Variants in KIF26B observed in about 807,000 individuals in gnomAD.
The protein encoded by KIF26B is kinesin-like protein KIF26B.
KIF26B carries 63 observed loss-of-function variants against 151.2 expected under a neutral mutation model. The observed-to-expected ratio is 0.42, with a 90% confidence interval of 0.34 to 0.51. The LOEUF is 0.51. KIF26B is among the 20% of genes least tolerant of loss of function. The pLI, the probability that KIF26B is intolerant of heterozygous loss-of-function variation, is 0.07. For synonymous variants in KIF26B, 1,357 were observed against 1,262.1 expected, an observed-to-expected ratio of 1.08 and a Z score of -1.59; for missense variants, 2,813 against 2,913.6, an observed-to-expected ratio of 0.97 and a Z score of 0.79.
At chr1:245,275,432 G>T (rs1293592149) in intron 2 of KIF26B, among the ~76,000 whole-genome samples, 1 of 152,104 alleles carries the variant, frequency 6.6e-6, no homozygotes, top group Non-Finnish European at 1.5e-5. Flanking sequence ...GTATTGCCTA[G>T]GTTTTCTTCT....
intron 3 of KIF26B, among the ~76,000 whole-genome samples, chr1:245,390,411 G>A (rs1458816538): frequency 2.6e-5 from 4 of 151,968 alleles, no homozygotes; most frequent in Non-Finnish European, 4.4e-5. Flanking sequence ...TAGACACGGG[G>A]TTTCACCATG....
At chr1:245,489,036 A>G (rs1166272095) in intron 4 of KIF26B, among the ~76,000 whole-genome samples, 1 of 152,212 alleles carries the variant, frequency 6.6e-6, no homozygotes, top group African/African-American at 2.4e-5. Context: ...ATTTGCATGG[A>G]CAGGAAAGCG....
chr1:245,609,201 T>C (rs1482734198), intron 7 of KIF26B, 65 bp from the exon 8 acceptor site: 1 of 1,446,642 alleles, frequency 6.9e-7, no homozygotes, highest in Non-Finnish European at 9.2e-7. Context: ...GCATCTATTT[T>C]GGAGACTCCG....
rs1369631030 is a variant in KIF26B at position 245,606,333 on chromosome 1, G to A, written c.1558-1318G>A. ...GTGCTGCTGAATAACAACATTCACG[G>A]CCCAGGTGCCCACCGGGAGGCACGC... On this transcript the variant is annotated intron_variant, in intron 6 of 14. Transcript: ENST00000407071. This position sits in a 1 kb window ranked among gnomAD's most constrained non-coding sequence, Gnocchi z 4.6. Among the ~76,000 whole-genome samples the A allele has an allele frequency of 2.0e-5, 3 of 152,256 alleles. No individual in the cohort carries two copies. In the East Asian group the frequency reaches 5.8e-4, roughly 29 times the overall value.
At chr1:245,455,224 G>T (rs1267184111) in intron 4 of KIF26B, among the ~76,000 whole-genome samples, 1 of 152,118 alleles carries the variant, frequency 6.6e-6, no homozygotes, top group African/African-American at 2.4e-5. Flanking sequence ...CCATACTACA[G>T]GCCGGGCATG....
At chr1:245,642,313 C>A (rs561666635) in intron 9 of KIF26B, among the ~76,000 whole-genome samples, 2 of 152,248 alleles carry the variant, frequency 1.3e-5, no homozygotes, top group South Asian at 2.1e-4. Flanking sequence ...TTGGCTGAGA[C>A]AGGCATGTGT....
chr1:245,525,542 A>C (rs1249434664), intron 4 of KIF26B, among the ~76,000 whole-genome samples: 1 of 152,228 alleles, frequency 6.6e-6, no homozygotes, highest in African/African-American at 2.4e-5. Context: ...AATTTATAAA[A>C]TCTCAAATTA....
At chr1:245,305,350 TAAAG>T (rs904537464) in intron 2 of KIF26B, among the ~76,000 whole-genome samples, 7 of 152,142 alleles carry the variant, frequency 4.6e-5, no homozygotes, top group African/African-American at 1.7e-4. Context: ...ACATATTTGA[TAAAG>T]AACCTGTACC....
chr1:245,387,289 C>T (rs943462288), intron 3 of KIF26B, among the ~76,000 whole-genome samples: 1 of 151,884 alleles, frequency 6.6e-6, no homozygotes, highest in Non-Finnish European at 1.5e-5. Flanking sequence ...CTCAGCCTCC[C>T]GAGTAGCTGG....
rs765172586 is a variant in KIF26B at position 245,180,357 on chromosome 1, C to A, written c.465+23674C>A. Among the ~76,000 whole-genome samples, 5 of 151,734 alleles carry A rather than the reference C, an allele frequency of 3.3e-5. No individual in the cohort carries two copies. The South Asian group carries it at 1.0e-3, about 32-fold the overall frequency. ...TGGCCATTGGAGTCCAGGGAGTCTG[C>A]GTTCTAATTCTGGCTCTCCTCTTAA... On this transcript the variant is annotated intron_variant, in intron 2 of 14. Coordinates refer to ENST00000407071, the MANE Select transcript of KIF26B (RefSeq NM_018012.4).
intron 4 of KIF26B, among the ~76,000 whole-genome samples, chr1:245,503,327 T>C (rs1660660925): frequency 6.6e-6 from 1 of 152,216 alleles, no homozygotes; most frequent in South Asian, 2.1e-4. Context: ...CTGTTATTTG[T>C]ATGAAGTGCC....
At chr1:245,481,391 C>T (rs1264559989) in intron 4 of KIF26B, among the ~76,000 whole-genome samples, 1 of 151,822 alleles carries the variant, frequency 6.6e-6, no homozygotes, top group African/African-American at 2.4e-5. Context: ...TTCCCGTGCT[C>T]AAATGTAACG....
intron 2 of KIF26B, among the ~76,000 whole-genome samples, chr1:245,184,546 C>A (rs1048882990): frequency 5.3e-5 from 8 of 152,064 alleles, no homozygotes; most frequent in African/African-American, 1.9e-4. Context: ...ATTTTAAAAT[C>A]TTGGGGGAAA....
At chr1:245,668,135 A>G (rs1176881255) in intron 10 of KIF26B, among the ~76,000 whole-genome samples, 2 of 152,144 alleles carry the variant, frequency 1.3e-5, no homozygotes, top group African/African-American at 2.4e-5. Flanking sequence ...ACCTCAAGTG[A>G]TCAGCCTGCC....
At chr1:245,414,261 C>T (rs1266954407) in intron 3 of KIF26B, among the ~76,000 whole-genome samples, 1 of 152,136 alleles carries the variant, frequency 6.6e-6, no homozygotes, top group Non-Finnish European at 1.5e-5. Flanking sequence ...TGTGGGGAGT[C>T]GCACTGACTT....
chr1:245,419,154 G>A (rs779073745), intron 3 of KIF26B, among the ~76,000 whole-genome samples: 1 of 152,146 alleles, frequency 6.6e-6, no homozygotes, highest in Non-Finnish European at 1.5e-5. Flanking sequence ...TTATTAGCAG[G>A]CTTACTTCTC....
intron 2 of KIF26B, among the ~76,000 whole-genome samples, chr1:245,317,947 GCACGC>G (rs1671810603): frequency 6.6e-6 from 1 of 152,122 alleles, no homozygotes; most frequent in Admixed American, 6.5e-5. Context: ...AAAATATGGG[GCACGC>G]ATGGGGATTT....
intron 2 of KIF26B, among the ~76,000 whole-genome samples, chr1:245,366,304 G>A (rs544977973): frequency 1.3e-4 from 20 of 152,134 alleles, no homozygotes; most frequent in Admixed American, 7.2e-4. Context: ...AGGCCGAGGC[G>A]GGTGGATCAC....
chr1:245,466,888 C>T lies in KIF26B; in HGVS notation c.1166+47143C>T, dbSNP rs112704593. Reference sequence around the variant, plus strand: ...TTGCCGTGAGCTGAGATGGCGCCACCGCACTCCAGCCTGGGCAACAGACTC... The same window carrying T: ...TTGCCGTGAGCTGAGATGGCGCCACTGCACTCCAGCCTGGGCAACAGACTC... On this transcript the variant is annotated intron_variant, in intron 4 of 14. Coordinates refer to ENST00000407071, the MANE Select transcript of KIF26B (RefSeq NM_018012.4). 1.8e-3 allele frequency among the ~76,000 whole-genome samples: 279 copies of T among 152,246 alleles called. 1 individual carries two copies. The highest frequency in any genetic ancestry group is 1.9e-3 in the South Asian group (9 of 4,810).
Sources: gnomAD v4.1 joint callset for allele counts (sites outside exome capture counted in the v4.1 genomes callset) on GRCh38, gnomAD v4.1.1 for gene constraint, Gnocchi (gnomAD v3.1) non-coding constraint, MANE v1.5 for transcripts, NCBI Gene and HGNC (gene_info 2026-07-23, HGNC 2026-07-21) for gene names.